The following EIF2AK4 variants were observed in gnomAD, a reference collection of about 807,000 sequenced individuals.
The protein encoded by EIF2AK4 is eukaryotic translation initiation factor 2 alpha kinase 4.
EIF2AK4 carries 139 observed loss-of-function variants against 211.1 expected under a neutral mutation model. The ratio of observed to expected loss-of-function variants is 0.66; its 90% CI spans 0.57 to 0.76. The LOEUF (loss-of-function observed/expected upper bound fraction) is 0.76, where lower values mean the gene tolerates loss of function less well. Ranked by LOEUF, EIF2AK4 falls within the 30% of genes least tolerant of loss-of-function variation. The pLI, the probability that EIF2AK4 is intolerant of heterozygous loss-of-function variation, is 0.00. For missense variants in EIF2AK4, 1,664 were observed against 2,043.8 expected, an observed-to-expected ratio of 0.81 and a Z score of 3.58; for synonymous variants, 710 against 751.3, an observed-to-expected ratio of 0.94 and a Z score of 0.90.
At chr15:39,981,924 C>CTTT (rs34776250) in intron 13 of EIF2AK4, among the ~76,000 whole-genome samples, 40,157 of 121,996 alleles carry the variant, frequency 0.33, 7,690 homozygotes, top group Non-Finnish European at 0.41. Flanking sequence ...AATGTGGTCA[C>CTTT]TTTTTTTTTT....
At chr15:39,951,871 G>A (rs909419281) in intron 4 of EIF2AK4, among the ~76,000 whole-genome samples, 3 of 152,270 alleles carry the variant, frequency 2.0e-5, no homozygotes, top group African/African-American at 7.2e-5. Flanking sequence ...GTGGTGCAGC[G>A]GCGGCTGCAA....
intron 14 of EIF2AK4, among the ~76,000 whole-genome samples, chr15:39,986,337 C>A (rs2034865001): frequency 6.6e-6 from 1 of 152,244 alleles, no homozygotes; most frequent in African/African-American, 2.4e-5. Context: ...CCACCTGAAT[C>A]TGGACAAGTA....
At position 39,988,120 on chromosome 15, in the gene EIF2AK4, A is replaced by G; in HGVS notation, c.2526+15A>G. ...TCCATGAGAAAGTAAACTTTACAACATTTCATATCTGAAGACTTATGTTTA... is the reference window on the plus strand; with the variant it reads ...TCCATGAGAAAGTAAACTTTACAACGTTTCATATCTGAAGACTTATGTTTA... On this transcript the variant is annotated intron_variant, in intron 15 of 38. Coordinates refer to ENST00000263791, the MANE Select transcript of EIF2AK4 (RefSeq NM_001013703.4). 1 of 1,613,016 alleles carries G rather than the reference A, an allele frequency of 6.2e-7. No individual in the cohort carries two copies. Among genetic ancestry groups the G allele is most frequent in the Non-Finnish European group, 8.5e-7 (1 of 1,179,534 alleles).
chr15:39,946,835 T>C, intron 3 of EIF2AK4: 1 of 586,746 alleles, frequency 1.7e-6, no homozygotes, highest in Non-Finnish European at 3.0e-6. Context: ...GATTATGACG[T>C]CCTGAAGGTT....
chr15:39,979,719 A>G (rs1329617151), intron 13 of EIF2AK4, among the ~76,000 whole-genome samples: 1 of 152,200 alleles, frequency 6.6e-6, no homozygotes, highest in African/African-American at 2.4e-5. Flanking sequence ...GGAGTATACA[A>G]AATTCCTCTT....
chr15:39,951,601 C>A, intron 4 of EIF2AK4: 1 of 277,132 alleles, frequency 3.6e-6, no homozygotes, highest in South Asian at 3.5e-5. Context: ...CAAATCAGTT[C>A]AGTGGACTTG....
At chr15:40,022,790 A>G (rs1391010946) in intron 32 of EIF2AK4, among the ~76,000 whole-genome samples, 185 bp downstream of exon 32, 5 of 151,748 alleles carry the variant, frequency 3.3e-5, no homozygotes, top group Admixed American at 1.3e-4. Flanking sequence ...CTGGAGTGCA[A>G]TGACGCAATC....
chr15:40,032,860 G>C (rs2035561895), intron 37 of EIF2AK4, 59 bp downstream of exon 37: 2 of 1,492,910 alleles, frequency 1.3e-6, no homozygotes, highest in South Asian at 2.4e-5. Context: ...TTTGCTATTA[G>C]TTTGCCAAAA....
chr15:39,958,186 G>A (rs1441129348), intron 6 of EIF2AK4, among the ~76,000 whole-genome samples: 2 of 152,210 alleles, frequency 1.3e-5, no homozygotes, highest in Admixed American at 6.5e-5. Context: ...TTTCTGGGAT[G>A]TTGCTCCTCA....
At chr15:40,012,604 C>T (rs777774737) in intron 27 of EIF2AK4, among the ~76,000 whole-genome samples, 4 of 151,976 alleles carry the variant, frequency 2.6e-5, no homozygotes, top group African/African-American at 2.4e-5. Context: ...TTCAATGATT[C>T]TATACCCAAG....
chr15:40,011,420 C>A, intron 27 of EIF2AK4, 74 bp downstream of exon 27: 2 of 1,346,298 alleles, frequency 1.5e-6, no homozygotes, highest in East Asian at 2.4e-5. Context: ...ATCAAATTCT[C>A]GTTGCAGTAG....
chr15:39,986,258 G>T (rs2034863971), intron 14 of EIF2AK4, among the ~76,000 whole-genome samples: 1 of 152,234 alleles, frequency 6.6e-6, no homozygotes, highest in African/African-American at 2.4e-5. Context: ...AACATGTGAA[G>T]TACTTAGAAC....
At chr15:39,969,857 T>A (rs1240407884) in intron 9 of EIF2AK4, among the ~76,000 whole-genome samples, 1 of 152,210 alleles carries the variant, frequency 6.6e-6, no homozygotes, top group Admixed American at 6.5e-5. Flanking sequence ...GTTATATTTT[T>A]ACATATTAGT....
intron 4 of EIF2AK4, among the ~76,000 whole-genome samples, chr15:39,950,515 C>A (rs561469190): frequency 1.3e-5 from 2 of 150,610 alleles, no homozygotes; most frequent in South Asian, 4.2e-4. Flanking sequence ...TGCTCGAACC[C>A]GGGAGGAGGA....
chr15:39,955,744 G>A lies in EIF2AK4; in HGVS notation c.719G>A (p.Arg240Gln), dbSNP rs375306216. 23 of 1,611,156 alleles carry A rather than the reference G, an allele frequency of 1.4e-5. No individual in the cohort carries two copies. Among genetic ancestry groups the A allele is most frequent in the Middle Eastern group, 3.3e-4 (2 of 6,052 alleles). ...GACTTTGTAGGAAATGGTAAACATCGGGCAAACTCCTCAGGAAGGTCTAGG... is the reference window on the plus strand; with the variant it reads ...GACTTTGTAGGAAATGGTAAACATCAGGCAAACTCCTCAGGAAGGTCTAGG... ...SPDFVGNGKH[R>Q]ANSSGRSRRE... is the part of the protein sequence containing the mutation. Residue 240 changes from arginine to glutamine, a missense_variant, in exon 6 of 39, where the codon CGG becomes CAG. Around this residue, in one of 7 missense-constraint regions of EIF2AK4, gnomAD observed 641 missense variants for 729.6 expected, o/e 0.88. Coordinates refer to ENST00000263791, the MANE Select transcript of EIF2AK4 (RefSeq NM_001013703.4).
chr15:40,035,157 CAT>C lies in EIF2AK4; in HGVS notation c.*74_*75del. ...CTGGAATAATGGAATGTTGTACATTCATCATAATTTAAAATTAAATTCTAAGA... is the reference window on the plus strand; with the variant it reads ...CTGGAATAATGGAATGTTGTACATTCCATAATTTAAAATTAAATTCTAAGA... On this transcript the variant is annotated 3_prime_UTR_variant, in exon 39 of 39. Transcript: ENST00000263791. 4.3e-6 allele frequency: 5 copies of C among 1,161,390 alleles called. No individual in the cohort carries two copies. The highest frequency in any genetic ancestry group is 2.5e-5 in the East Asian group (1 of 39,428). 71.9% of individuals were successfully genotyped at this position (1,161,390 alleles called of 1,614,324 possible).
chr15:39,997,152 G>T (rs1460728710), intron 19 of EIF2AK4, 87 bp downstream of exon 19: 3 of 1,022,146 alleles, frequency 2.9e-6, no homozygotes, highest in South Asian at 1.4e-5. Flanking sequence ...TATTTTTCTG[G>T]TATTTATAAT....
At position 39,992,164 on chromosome 15, in the gene EIF2AK4, T is replaced by C. The variant is rs376696969; in HGVS notation, c.2632-11T>C. ...GTTTTAATTGGATATTTGGCTTACT[T>C]ATATTTTTAGGCTGACAGCAAACAA... On this transcript the variant is annotated splice_polypyrimidine_tract_variant and intron_variant, in intron 16 of 38. Coordinates refer to ENST00000263791, the MANE Select transcript of EIF2AK4 (RefSeq NM_001013703.4). 2.0e-4 allele frequency: 322 copies of C among 1,609,600 alleles called. No homozygotes were observed. Among genetic ancestry groups the C allele is most frequent in the Non-Finnish European group, 2.5e-4 (300 of 1,177,962 alleles).
At chr15:39,986,289 G>T (rs570445585) in intron 14 of EIF2AK4, among the ~76,000 whole-genome samples, 1 of 152,368 alleles carries the variant, frequency 6.6e-6, no homozygotes, top group African/African-American at 2.4e-5. Context: ...TTCCATAAGT[G>T]CTAGACTGCA....
Sources: gnomAD v4.1 joint callset for allele counts (sites outside exome capture counted in the v4.1 genomes callset) on GRCh38, gnomAD v4.1.1 for gene constraint, gnomAD v4.1.1 regional missense constraint, MANE v1.5 for transcripts, NCBI Gene and HGNC (gene_info 2026-07-23, HGNC 2026-07-21) for gene names.